Variants in EPHA5 observed in about 807,000 individuals in gnomAD.
EPHA5 encodes the protein ephrin type-A receptor 5.
A neutral mutation model predicts 105.0 loss-of-function variants in EPHA5; 60 were observed. The ratio of observed to expected loss-of-function variants is 0.57; its 90% CI spans 0.46 to 0.71. The LOEUF is 0.71. EPHA5 is among the 30% of genes least tolerant of loss of function. EPHA5 has a pLI of 0.00. For synonymous variants in EPHA5, 513 were observed against 449.1 expected, an observed-to-expected ratio of 1.14 and a Z score of -1.80; for missense variants, 1,218 against 1,274.7, an observed-to-expected ratio of 0.96 and a Z score of 0.68.
chr4:65,593,601 G>A (rs2149421010), intron 3 of EPHA5, among the ~76,000 whole-genome samples: 1 of 152,238 alleles, frequency 6.6e-6, no homozygotes, highest in African/African-American at 2.4e-5. Flanking sequence ...GCCGGTCCAT[G>A]TATCATTTCT....
At chr4:65,410,474 C>T (rs553185191) in intron 7 of EPHA5, among the ~76,000 whole-genome samples, 3 of 152,248 alleles carry the variant, frequency 2.0e-5, no homozygotes, top group South Asian at 2.1e-4. Flanking sequence ...GGGATCTTTA[C>T]GGTATTGGGA....
chr4:65,593,480 A>G (rs1210002319), intron 3 of EPHA5, among the ~76,000 whole-genome samples: 2 of 152,200 alleles, frequency 1.3e-5, no homozygotes, highest in African/African-American at 4.8e-5. Flanking sequence ...CTTAAACTTG[A>G]TGTACATAAA....
At chr4:65,340,248 A>T (rs1239724128) in intron 14 of EPHA5, among the ~76,000 whole-genome samples, 5 of 152,146 alleles carry the variant, frequency 3.3e-5, no homozygotes, top group African/African-American at 1.2e-4. Context: ...TGGAGATAAG[A>T]TTCTGAAAGT....
At chr4:65,365,609 G>A (rs532291271) in intron 10 of EPHA5, among the ~76,000 whole-genome samples, 1 of 122,462 alleles carries the variant, frequency 8.2e-6, no homozygotes, top group African/African-American at 2.9e-5. Context: ...AGGCAGATAT[G>A]AACTGAATTA....
At chr4:65,558,683 C>G (rs764811405) in intron 3 of EPHA5, among the ~76,000 whole-genome samples, 21 of 151,874 alleles carry the variant, frequency 1.4e-4, no homozygotes, top group Non-Finnish European at 2.6e-4. Flanking sequence ...CCTAATGCTC[C>G]CTCCCTCCTC....
chr4:65,367,259 T>C, intron 9 of EPHA5, 98 bp downstream of exon 9: 1 of 945,750 alleles, frequency 1.1e-6, no homozygotes, highest in East Asian at 2.6e-5. Context: ...AACAATATTT[T>C]GGTCAGTTAT....
At chr4:65,453,916 T>C (rs1269458875) in intron 5 of EPHA5, among the ~76,000 whole-genome samples, 1 of 152,144 alleles carries the variant, frequency 6.6e-6, no homozygotes, top group Non-Finnish European at 1.5e-5. Context: ...GCTGCCTCGG[T>C]TGAATTCTTT....
intron 2 of EPHA5, 137 bp downstream of exon 2, chr4:65,643,226 C>G: frequency 1.6e-6 from 1 of 609,032 alleles, no homozygotes; most frequent in Non-Finnish European, 2.9e-6. Flanking sequence ...TTGAAGTCCC[C>G]TCACCCCATC....
intron 5 of EPHA5, among the ~76,000 whole-genome samples, chr4:65,441,585 G>GA (rs1726020258): frequency 6.6e-6 from 1 of 151,976 alleles, no homozygotes; most frequent in Admixed American, 6.6e-5. Context: ...GTAAGAAAGA[G>GA]AAAAAAGAGC....
intron 1 of EPHA5, among the ~76,000 whole-genome samples, chr4:65,644,154 G>A (rs1747914604): frequency 1.3e-5 from 2 of 151,770 alleles, no homozygotes; most frequent in Admixed American, 1.3e-4. Context: ...AGAAACTCCA[G>A]GACGGAAGTT....
chr4:65,484,011 A>C (rs1396002814), intron 5 of EPHA5, among the ~76,000 whole-genome samples: 1 of 152,228 alleles, frequency 6.6e-6, no homozygotes, highest in African/African-American at 2.4e-5. Flanking sequence ...AGACAAATTA[A>C]TCTTGTAAAA....
intron 2 of EPHA5, among the ~76,000 whole-genome samples, chr4:65,624,063 C>T (rs1422375089): frequency 1.3e-5 from 2 of 152,012 alleles, no homozygotes; most frequent in Non-Finnish European, 2.9e-5. Flanking sequence ...ATATAAAATT[C>T]ATGATCTAAT....
chr4:65,462,666 T>C (rs1166253884), intron 5 of EPHA5, among the ~76,000 whole-genome samples: 1 of 152,154 alleles, frequency 6.6e-6, no homozygotes, highest in Non-Finnish European at 1.5e-5. Flanking sequence ...TTTCAGATAG[T>C]GGTGGTCTCA....
intron 3 of EPHA5, among the ~76,000 whole-genome samples, chr4:65,504,429 C>T (rs979006322): frequency 6.6e-6 from 1 of 151,288 alleles, no homozygotes; most frequent in Admixed American, 6.6e-5. Context: ...GTTTGTCATG[C>T]TCAAGTGAAG....
chr4:65,524,530 GATGGT>G (rs1466185360), intron 3 of EPHA5, among the ~76,000 whole-genome samples: 2 of 151,632 alleles, frequency 1.3e-5, no homozygotes, highest in Admixed American at 6.6e-5. Flanking sequence ...ATTAATGTTG[GATGGT>G]ATTCCAACAT....
intron 5 of EPHA5, among the ~76,000 whole-genome samples, chr4:65,431,348 G>A (rs560857702): frequency 4.9e-4 from 74 of 152,210 alleles, no homozygotes; most frequent in Middle Eastern, 6.8e-3. Context: ...AATTATGTAT[G>A]TATATATTTC....
At chr4:65,641,303 T>C (rs1747642748) in intron 2 of EPHA5, among the ~76,000 whole-genome samples, 2 of 152,192 alleles carry the variant, frequency 1.3e-5, no homozygotes, top group South Asian at 4.1e-4. Context: ...GATTCAGTCA[T>C]TTTTCTTAAA....
chr4:65,328,712 A>T (rs1392576135), intron 16 of EPHA5, among the ~76,000 whole-genome samples: 1 of 151,162 alleles, frequency 6.6e-6, no homozygotes, highest in Non-Finnish European at 1.5e-5. Context: ...TACAGGATAA[A>T]TGTATTACTT....
chr4:65,448,229 G>C (rs1285834682), intron 5 of EPHA5, among the ~76,000 whole-genome samples: 3 of 146,748 alleles, frequency 2.0e-5, no homozygotes, highest in Non-Finnish European at 4.5e-5. Flanking sequence ...AAATCACCAA[G>C]CTATAAAAAA....
Sources: allele counts gnomAD v4.1 joint callset (sites outside exome capture counted in the v4.1 genomes callset), GRCh38; gene constraint gnomAD v4.1.1; transcripts MANE v1.5; gene names NCBI Gene and HGNC (gene_info 2026-07-23, HGNC 2026-07-21).